Variants in FNDC3A observed in about 807,000 individuals in gnomAD.
FNDC3A encodes the protein fibronectin type III domain containing 3A.
FNDC3A carries 32 observed loss-of-function variants against 148.9 expected under a neutral mutation model. The ratio of observed to expected loss-of-function variants is 0.21; its 90% CI spans 0.16 to 0.29. The LOEUF (loss-of-function observed/expected upper bound fraction) is 0.29. Among genes scored for constraint, FNDC3A ranks in the 10% least tolerant of loss-of-function variants. FNDC3A has a pLI of 1.00. For missense variants in FNDC3A, 1,191 were observed against 1,452.8 expected, an observed-to-expected ratio of 0.82 and a Z score of 2.93; for synonymous variants, 472 against 473.6, an observed-to-expected ratio of 1.00 and a Z score of 0.04.
intron 19 of FNDC3A, among the ~76,000 whole-genome samples, chr13:49,196,622 T>TA (rs1213615270): frequency 2.0e-5 from 3 of 152,188 alleles, no homozygotes; most frequent in African/African-American, 7.2e-5. Flanking sequence ...CTGCCCTTCT[T>TA]ACAAAAACCA....
intron 1 of FNDC3A, among the ~76,000 whole-genome samples, chr13:48,982,192 G>C (rs1402585422): frequency 6.6e-6 from 1 of 151,976 alleles, no homozygotes; most frequent in Non-Finnish European, 1.5e-5. Context: ...TTTTTCTTAA[G>C]ATTTGCTTAA....
chr13:48,997,008 G>A (rs1482634226), intron 1 of FNDC3A, among the ~76,000 whole-genome samples: 4 of 151,896 alleles, frequency 2.6e-5, no homozygotes, highest in African/African-American at 9.7e-5. Flanking sequence ...GGCTGCAGCG[G>A]GCGGAGATCG....
chr13:49,076,488 G>A (rs571160529), intron 3 of FNDC3A, among the ~76,000 whole-genome samples: 67 of 151,282 alleles, frequency 4.4e-4, no homozygotes, highest in African/African-American at 1.5e-3. Flanking sequence ...CAGGTGATCC[G>A]CCCACCTCAG....
At position 49,145,923 on chromosome 13, in the gene FNDC3A, A is replaced by G. The variant is rs1370221574; in HGVS notation, c.965A>G (p.Lys322Arg). ...AGTACTGGAAAAGATGGGAAATACA[A>G]AAGTGTATATGTGTAGGTATTTGTT... ...ISSTGKDGKY[K>R]SVYVGEETNI... Residue 322 changes from lysine (K) to arginine (R), a missense_variant, in exon 8 of 26, where the codon AAA (lysine) becomes AGA (arginine). This residue lies in a region of FNDC3A where 426 missense variants were observed against 473.2 expected (regional missense o/e 0.90). Transcript: ENST00000492622. 12 of 1,612,230 alleles carry G rather than the reference A, an allele frequency of 7.4e-6. No individual in the cohort carries two copies. The highest frequency in any genetic ancestry group is 2.2e-5 in the East Asian group (1 of 44,838).
At chr13:49,119,958 G>A (rs1389648508) in intron 4 of FNDC3A, among the ~76,000 whole-genome samples, 2 of 152,096 alleles carry the variant, frequency 1.3e-5, no homozygotes, top group Non-Finnish European at 2.9e-5. Flanking sequence ...TAGCAAGACA[G>A]GCCAACATTC....
intron 13 of FNDC3A, among the ~76,000 whole-genome samples, chr13:49,176,126 A>T (rs1225829995): frequency 6.6e-6 from 1 of 152,204 alleles, no homozygotes; most frequent in Non-Finnish European, 1.5e-5. Flanking sequence ...ATCAATGTTC[A>T]TCAGGCATAT....
intron 8 of FNDC3A, among the ~76,000 whole-genome samples, chr13:49,152,211 T>G (rs1883344753): frequency 6.6e-6 from 1 of 152,250 alleles, no homozygotes; most frequent in African/African-American, 2.4e-5. Context: ...AAAGCATTCC[T>G]GTAACTCCAC....
intron 2 of FNDC3A, among the ~76,000 whole-genome samples, chr13:49,038,245 T>C (rs889281072): frequency 9.9e-5 from 15 of 152,080 alleles, no homozygotes; most frequent in African/African-American, 3.6e-4. Flanking sequence ...AGACAACTTT[T>C]TGGGCATGAA....
chr13:49,106,773 C>CGAAAAAAA (rs1555291720), intron 3 of FNDC3A, among the ~76,000 whole-genome samples: 1 of 79,890 alleles, frequency 1.3e-5, no homozygotes, highest in Non-Finnish European at 2.3e-5. Flanking sequence ...TGAATGAAAG[C>CGAAAAAAA]AAAAAAAAAA....
chr13:49,160,594 A>G (rs1354746222), intron 8 of FNDC3A, among the ~76,000 whole-genome samples: 1 of 151,792 alleles, frequency 6.6e-6, no homozygotes, highest in African/African-American at 2.4e-5. Context: ...AATTTTTTGA[A>G]GGGTTTTTTT....
At chr13:49,101,863 T>G (rs971843357) in intron 3 of FNDC3A, among the ~76,000 whole-genome samples, 1 of 151,470 alleles carries the variant, frequency 6.6e-6, no homozygotes, top group Non-Finnish European at 1.5e-5. Context: ...GGGCAATACT[T>G]AAACTGCAGA....
intron 14 of FNDC3A, among the ~76,000 whole-genome samples, chr13:49,184,431 G>C (rs1338680528): frequency 6.6e-6 from 1 of 152,206 alleles, no homozygotes; most frequent in African/African-American, 2.4e-5. Context: ...TTTCATTAAA[G>C]TGGTCGTAGT....
At chr13:49,104,807 T>G (rs1880070056) in intron 3 of FNDC3A, among the ~76,000 whole-genome samples, 1 of 152,172 alleles carries the variant, frequency 6.6e-6, no homozygotes, top group Admixed American at 6.5e-5. Context: ...AATTAATGCT[T>G]GAAGACTTAA....
intron 3 of FNDC3A, chr13:49,110,290 T>TAG: frequency 6.6e-7 from 1 of 1,518,306 alleles, no homozygotes; most frequent in Non-Finnish European, 8.9e-7. Flanking sequence ...CTTTTCCTCT[T>TAG]ACAGCCTTGC....
chr13:49,093,428 C>G (rs1052060350), intron 3 of FNDC3A, among the ~76,000 whole-genome samples: 13 of 152,158 alleles, frequency 8.5e-5, no homozygotes, highest in African/African-American at 2.2e-4. Flanking sequence ...GGTTATCGAA[C>G]GATCCCTGTA....
chr13:49,201,678 T>C (rs1886423882), intron 23 of FNDC3A, 122 bp from the exon 24 acceptor site: 2 of 434,982 alleles, frequency 4.6e-6, no homozygotes, highest in Non-Finnish European at 8.1e-6. Flanking sequence ...CATCAAACTT[T>C]TGGGGTAACT....
chr13:48,996,257 A>G (rs911145387), intron 1 of FNDC3A, among the ~76,000 whole-genome samples: 1 of 152,210 alleles, frequency 6.6e-6, no homozygotes, highest in African/African-American at 2.4e-5. Flanking sequence ...CTGTAATTCT[A>G]ATATTTTTAC....
chr13:49,085,771 G>T (rs909341750), intron 3 of FNDC3A, among the ~76,000 whole-genome samples: 3 of 152,154 alleles, frequency 2.0e-5, no homozygotes, highest in African/African-American at 7.2e-5. Flanking sequence ...TAGAACCAAT[G>T]GGTGGAAGTT....
intron 2 of FNDC3A, among the ~76,000 whole-genome samples, chr13:49,036,784 C>T (rs1160289001): frequency 6.6e-6 from 1 of 152,158 alleles, no homozygotes; most frequent in African/African-American, 2.4e-5. Flanking sequence ...ATGGCAGAAT[C>T]TTGAAGGATG....
Sources: gnomAD v4.1 joint callset for allele counts (sites outside exome capture counted in the v4.1 genomes callset) on GRCh38, gnomAD v4.1.1 for gene constraint, gnomAD v4.1.1 regional missense constraint, MANE v1.5 for transcripts, NCBI Gene and HGNC (gene_info 2026-07-23, HGNC 2026-07-21) for gene names.